MACROH2A2: variants seen among roughly 807,000 people sequenced by gnomAD.
MACROH2A2 encodes the protein macroH2A.2 histone.
Under a neutral mutation model 37.6 loss-of-function variants are expected in MACROH2A2, and 6 were observed. The ratio of observed to expected loss-of-function variants is 0.16; its 90% CI spans 0.09 to 0.32. The LOEUF is 0.32. MACROH2A2 is among the 10% of genes least tolerant of loss of function. MACROH2A2 has a pLI of 1.00. For synonymous variants in MACROH2A2, 192 were observed against 202.7 expected, an observed-to-expected ratio of 0.95 and a Z score of 0.45; for missense variants, 290 against 485.9, an observed-to-expected ratio of 0.60 and a Z score of 3.79.
intron 7 of MACROH2A2, among the ~76,000 whole-genome samples, chr10:70,104,362 G>GAAAAAAAAAAAA (rs869029665): frequency 8.1e-6 from 1 of 123,392 alleles, no homozygotes. Context: ...GGACAGAGAG[G>GAAAAAAAAAAAA]AAAAAAAAAA....
intron 7 of MACROH2A2, among the ~76,000 whole-genome samples, chr10:70,102,019 A>G (rs1298003741): frequency 6.6e-6 from 1 of 152,302 alleles, no homozygotes. Context: ...CCTCAGATCC[A>G]TGTTCCCACC....
rs578193089 is a variant in MACROH2A2, at chr10:70,111,907, T to C, written c.*224T>C. 69 of 372,342 alleles carry C rather than the reference T, an allele frequency of 1.9e-4. No individual in the cohort carries two copies. Among genetic ancestry groups the C allele is most frequent in the Non-Finnish European group, 2.8e-4 (58 of 209,722 alleles). 23.1% of individuals were successfully genotyped at this position (372,342 alleles called of 1,614,324 possible). ...GGTTTCTTTCCATGTGTTTTCCTCC[T>C]GTTGTTTTAGAACTTTTTTAAAAAA... On this transcript the variant is annotated 3_prime_UTR_variant, in exon 9 of 9. Coordinates refer to ENST00000373255, the MANE Select transcript of MACROH2A2 (RefSeq NM_018649.3).
rs558268060 is a variant in MACROH2A2 at position 70,059,975 on chromosome 10, G to A, written c.-60+6975G>A. ...CCCAGGAGCTACAGGGGACCCACAC[G>A]TGCATAACCAGGGAGCAACACTGCC... On this transcript the variant is annotated intron_variant, in intron 1 of 8. Transcript: ENST00000373255. 1.7e-3 allele frequency among the ~76,000 whole-genome samples: 258 copies of A among 152,304 alleles called. 2 individuals are homozygous for A. Among genetic ancestry groups the A allele is most frequent in the Non-Finnish European group, 2.6e-3 (179 of 68,022 alleles).
At chr10:70,063,890 G>A (rs1010233491) in intron 1 of MACROH2A2, among the ~76,000 whole-genome samples, 4 of 152,230 alleles carry the variant, frequency 2.6e-5, no homozygotes, top group African/African-American at 7.2e-5. Flanking sequence ...ACAACTGAGA[G>A]TAAAAGCAAG....
intron 6 of MACROH2A2, among the ~76,000 whole-genome samples, chr10:70,096,972 T>C (rs945439306): frequency 5.9e-5 from 9 of 152,226 alleles, no homozygotes; most frequent in African/African-American, 2.2e-4. Flanking sequence ...GTGTCCTGCC[T>C]CTCACTGACA....
chr10:70,054,224 G>A (rs1443572996), intron 1 of MACROH2A2, among the ~76,000 whole-genome samples: 2 of 152,246 alleles, frequency 1.3e-5, no homozygotes, highest in East Asian at 3.8e-4. Flanking sequence ...AACGGCCCTG[G>A]ATGAGTGAAG....
rs774268589 is a variant in MACROH2A2, at chr10:70,109,184, G to A, written c.930G>A (p.Ala310=). The A allele has an allele frequency of 1.4e-5, 22 of 1,613,920 alleles. No homozygotes were observed. The East Asian group carries it at 1.8e-4, about 13-fold the overall frequency. The change falls in exon 8 of 9, where the codon GCG becomes GCA. Residue 310 remains alanine (A), a synonymous_variant. Coordinates refer to ENST00000373255, the MANE Select transcript of MACROH2A2 (RefSeq NM_018649.3). The part of the protein sequence containing the change: ...AAEDKKLKSV[A]FPPFPSGRNC... Reference sequence around the variant, plus strand: ...AGGACAAGAAGCTAAAGTCCGTCGCGTTCCCGCCTTTCCCCAGCGGCAGGT... The same window carrying A: ...AGGACAAGAAGCTAAAGTCCGTCGCATTCCCGCCTTTCCCCAGCGGCAGGT...
At chr10:70,070,155 G>C (rs2072100822) in intron 1 of MACROH2A2, among the ~76,000 whole-genome samples, 1 of 152,144 alleles carries the variant, frequency 6.6e-6, no homozygotes, top group Non-Finnish European at 1.5e-5. Context: ...GGAGATAGGT[G>C]CCTGGCTGCT....
intron 2 of MACROH2A2, among the ~76,000 whole-genome samples, chr10:70,079,561 G>GCACACACA (rs1437308027): frequency 4.8e-5 from 4 of 83,722 alleles, no homozygotes; most frequent in African/African-American, 1.8e-4. Flanking sequence ...TCGCGCGCGC[G>GCACACACA]CGCGCACACA....
chr10:70,054,890 T>G (rs1271074860), intron 1 of MACROH2A2, among the ~76,000 whole-genome samples: 1 of 152,218 alleles, frequency 6.6e-6, no homozygotes, highest in Non-Finnish European at 1.5e-5. Flanking sequence ...TTCTCTGGTT[T>G]TTCCTATCCT....
In MACROH2A2 at chr10:70,075,390, G is replaced by A. The variant is rs1016296484; in HGVS notation, c.-59-210G>A. 1.3e-5 allele frequency among the ~76,000 whole-genome samples: 2 copies of A among 152,166 alleles called. No individual in the cohort carries two copies. Among genetic ancestry groups the A allele is most frequent in the African/African-American group, 2.4e-5 (1 of 41,438 alleles). ...TTCCTCTTGAGGTCAGGCTGCTTTG[G>A]TGGGGGAGGGATGTTTGTGGGTGGG... is the stretch of plus-strand genomic sequence containing the variant. On this transcript the variant is annotated intron_variant, in intron 1 of 8. Coordinates refer to ENST00000373255, the MANE Select transcript of MACROH2A2 (RefSeq NM_018649.3). The surrounding 1 kb of genome is among the most constrained non-coding windows in gnomAD (Gnocchi z 5.0).
chr10:70,072,696 C>G (rs770659150), intron 1 of MACROH2A2, among the ~76,000 whole-genome samples: 1 of 152,110 alleles, frequency 6.6e-6, no homozygotes, highest in Non-Finnish European at 1.5e-5. Flanking sequence ...GTGGCTCACA[C>G]CTGTAATCCC....
intron 1 of MACROH2A2, among the ~76,000 whole-genome samples, chr10:70,054,688 A>G (rs2072003524): frequency 6.6e-6 from 1 of 152,240 alleles, no homozygotes; most frequent in South Asian, 2.1e-4. Flanking sequence ...TTTATTTTCA[A>G]ACTAAATGTT....
intron 4 of MACROH2A2, among the ~76,000 whole-genome samples, 154 bp from the exon 5 acceptor site, chr10:70,093,581 C>T (rs556508031): frequency 6.6e-6 from 1 of 152,308 alleles, no homozygotes; most frequent in African/African-American, 2.4e-5. Flanking sequence ...ATATTGCTGA[C>T]TTTTGCTCCC....
chr10:70,102,293 G>A (rs2072311098), intron 7 of MACROH2A2, among the ~76,000 whole-genome samples: 1 of 152,218 alleles, frequency 6.6e-6, no homozygotes, highest in African/African-American at 2.4e-5. Context: ...GTCAGCACGT[G>A]GGAGGAGAGA....
In MACROH2A2 at chr10:70,070,593, G is replaced by A. The variant is rs57755795; in HGVS notation, c.-59-5007G>A. On this transcript the variant is annotated intron_variant, in intron 1 of 8. Transcript: ENST00000373255. ...TGCAACCTCCTCCTCCTGGGTTCAA[G>A]TGATTCTTTTGCCTCAGCCTCCAGA... is the stretch of plus-strand genomic sequence containing the variant. Among the ~76,000 whole-genome samples the A allele has an allele frequency of 8.4e-3, 1,275 of 152,260 alleles. 18 individuals are homozygous for A. The highest frequency in any genetic ancestry group is 0.029 in the African/African-American group (1,219 of 41,534).
At chr10:70,100,364 A>C in intron 7 of MACROH2A2, 67 bp downstream of exon 7, 1 of 853,328 alleles carries the variant, frequency 1.2e-6, no homozygotes, top group Non-Finnish European at 2.0e-6. Context: ...CTCCAGCCTC[A>C]CGTGCCTCAT....
Position 70,071,058 on chromosome 10 carries a change from C to T in MACROH2A2, c.-59-4542C>T, listed in dbSNP as rs10999119. ...GTGTGCACGTGCATGCGTGTGTGGG[C>T]GCGCGTGTGCATGTGCATGAGTGTG... On this transcript the variant is annotated intron_variant, in intron 1 of 8. Transcript: ENST00000373255. 1.6e-4 allele frequency among the ~76,000 whole-genome samples: 23 copies of T among 147,934 alleles called. No homozygotes were observed. In the East Asian group the frequency reaches 1.8e-3, roughly 12 times the overall value.
intron 1 of MACROH2A2, among the ~76,000 whole-genome samples, chr10:70,072,404 G>A (rs1041389294): frequency 6.6e-6 from 1 of 152,018 alleles, no homozygotes; most frequent in Non-Finnish European, 1.5e-5. Flanking sequence ...ACAATAACAC[G>A]CACGGAGCTG....
Sources: allele counts gnomAD v4.1 joint callset (sites outside exome capture counted in the v4.1 genomes callset), GRCh38; gene constraint gnomAD v4.1.1; non-coding constraint Gnocchi (gnomAD v3.1); transcripts MANE v1.5; gene names NCBI Gene and HGNC (gene_info 2026-07-23, HGNC 2026-07-21).